The following PPP3CA variants were observed in gnomAD, a reference collection of about 807,000 sequenced individuals.
PPP3CA encodes the protein protein phosphatase 3 catalytic subunit alpha, also known as CAM-PRP catalytic subunit.
In PPP3CA, 14 loss-of-function variants were observed where a neutral mutation model predicts 66.5. That is an observed-to-expected ratio of 0.21 (90% CI 0.14 to 0.33). The LOEUF is 0.33. Ranked by LOEUF, PPP3CA falls within the 10% of genes least tolerant of loss-of-function variation. PPP3CA has a pLI of 1.00. For synonymous variants in PPP3CA, 232 were observed against 226.2 expected (o/e 1.03, Z -0.23); for missense variants, 317 against 639.5 (o/e 0.50, Z 5.44).
At chr4:101,237,761 C>T (rs1256245847) in intron 1 of PPP3CA, among the ~76,000 whole-genome samples, 2 of 152,090 alleles carry the variant, frequency 1.3e-5, no homozygotes, top group South Asian at 4.1e-4. Flanking sequence ...GCAGCAGATG[C>T]TGTGGGGCAC....
chr4:101,094,771 T>C (rs893963038), intron 5 of PPP3CA, among the ~76,000 whole-genome samples: 5 of 152,160 alleles, frequency 3.3e-5, no homozygotes, highest in African/African-American at 9.7e-5. Context: ...AAATAACATA[T>C]CACGATCAAT....
intron 1 of PPP3CA, among the ~76,000 whole-genome samples, chr4:101,197,321 A>C (rs1276622500): frequency 3.9e-5 from 6 of 152,208 alleles, no homozygotes; most frequent in Admixed American, 2.6e-4. Context: ...TTAAATTATA[A>C]CTAACAGAAA....
At chr4:101,142,565 AC>A (rs764329900) in intron 2 of PPP3CA, among the ~76,000 whole-genome samples, 3 of 151,928 alleles carry the variant, frequency 2.0e-5, no homozygotes, top group Non-Finnish European at 2.9e-5. Context: ...TACTCCACCC[AC>A]CCGCCCCAGC....
chr4:101,113,267 A>G (rs1042033773), intron 2 of PPP3CA, among the ~76,000 whole-genome samples: 2 of 152,104 alleles, frequency 1.3e-5, no homozygotes, highest in Admixed American at 1.3e-4. Flanking sequence ...GAATCTCCAG[A>G]GATGCAGATT....
chr4:101,147,031 T>C (rs1722992690), intron 2 of PPP3CA, among the ~76,000 whole-genome samples: 1 of 152,212 alleles, frequency 6.6e-6, no homozygotes, highest in Non-Finnish European at 1.5e-5. Flanking sequence ...GTACTGTTTT[T>C]ATCCTCATTT....
intron 6 of PPP3CA, among the ~76,000 whole-genome samples, chr4:101,090,135 C>T (rs1246839630): frequency 6.6e-6 from 1 of 152,120 alleles, no homozygotes; most frequent in African/African-American, 2.4e-5. Flanking sequence ...AAACCATAAT[C>T]CCAGAGGATG....
chr4:101,071,292 T>C (rs1440366662), intron 8 of PPP3CA, among the ~76,000 whole-genome samples: 1 of 152,234 alleles, frequency 6.6e-6, no homozygotes. Flanking sequence ...ATCTCCAAGA[T>C]ATCCTTGGCA....
At chr4:101,204,966 GATCTCC>G (rs1725087196) in intron 1 of PPP3CA, among the ~76,000 whole-genome samples, 1 of 146,708 alleles carries the variant, frequency 6.8e-6, no homozygotes, top group Non-Finnish European at 1.5e-5. Flanking sequence ...AACTATCTTG[GATCTCC>G]ATACTAGATG....
intron 1 of PPP3CA, among the ~76,000 whole-genome samples, chr4:101,201,922 T>G (rs535386774): frequency 1.3e-5 from 2 of 152,268 alleles, no homozygotes; most frequent in South Asian, 2.1e-4. Flanking sequence ...CTGTATCCCA[T>G]GCTAGGCAGT....
chr4:101,309,389 A>G lies in PPP3CA; in HGVS notation c.58+37350T>C, dbSNP rs182201148. On this transcript the variant is annotated intron_variant, in intron 1 of 13. Transcript: ENST00000394854. ...ATAAATAAGAGACTATAAGAAACAT[A>G]ATCTTTCAGAAGAGGTGGCAGCCAG... Among the ~76,000 whole-genome samples, 1,138 of 152,254 alleles carry G rather than the reference A, an allele frequency of 7.5e-3. 9 individuals are homozygous for G. Among genetic ancestry groups the G allele is most frequent in the Non-Finnish European group, 0.013 (879 of 68,018 alleles).
Position 101,029,155 on chromosome 4 carries a change from G to T in PPP3CA, c.1369+11C>A. ...TTGCAGGTACAACAGAAAGGGGACT[G>T]GCCAATTTACCTTCATCAGCCTCAA... On this transcript the variant is annotated intron_variant, in intron 13 of 13. Transcript: ENST00000394854. 1 of 1,597,732 alleles carries T rather than the reference G, an allele frequency of 6.3e-7. No homozygotes were observed.
intron 2 of PPP3CA, among the ~76,000 whole-genome samples, chr4:101,128,773 G>A (rs1334142909): frequency 6.6e-6 from 1 of 152,126 alleles, no homozygotes; most frequent in Non-Finnish European, 1.5e-5. Context: ...ATTCCCTCGG[G>A]TGGCTACACC....
chr4:101,207,670 T>C (rs1725175694), intron 1 of PPP3CA, among the ~76,000 whole-genome samples: 1 of 151,926 alleles, frequency 6.6e-6, no homozygotes, highest in African/African-American at 2.4e-5. Flanking sequence ...CTACCAAAAA[T>C]ACAAAAGCAG....
At chr4:101,198,286 C>A (rs1467976451) in intron 1 of PPP3CA, among the ~76,000 whole-genome samples, 1 of 152,064 alleles carries the variant, frequency 6.6e-6, no homozygotes, top group Non-Finnish European at 1.5e-5. Flanking sequence ...TCAACAGCCA[C>A]ATTTCTTTAT....
chr4:101,140,847 T>C (rs1024655857), intron 2 of PPP3CA, among the ~76,000 whole-genome samples: 1 of 152,194 alleles, frequency 6.6e-6, no homozygotes, highest in Non-Finnish European at 1.5e-5. Context: ...AGTCACATGA[T>C]TGAATTTAAC....
intron 2 of PPP3CA, among the ~76,000 whole-genome samples, chr4:101,129,192 T>C (rs1224804424): frequency 1.3e-5 from 2 of 152,110 alleles, no homozygotes; most frequent in African/African-American, 4.8e-5. Flanking sequence ...AGAATGCCTC[T>C]CTAGATTCCT....
intron 2 of PPP3CA, among the ~76,000 whole-genome samples, chr4:101,131,602 C>G (rs902658315): frequency 5.3e-5 from 8 of 150,984 alleles, no homozygotes; most frequent in Non-Finnish European, 8.9e-5. Flanking sequence ...GATTCATAAA[C>G]CAAGTTCTAA....
At chr4:101,151,066 A>G (rs1378690611) in intron 2 of PPP3CA, among the ~76,000 whole-genome samples, 1 of 152,240 alleles carries the variant, frequency 6.6e-6, no homozygotes, top group Non-Finnish European at 1.5e-5. Context: ...TTAGAATCAT[A>G]TAACTTCATT....
At position 101,159,948 on chromosome 4, in the gene PPP3CA, C is replaced by T. The variant is rs552228220; in HGVS notation, c.259+35968G>A. Among the ~76,000 whole-genome samples the T allele has an allele frequency of 7.2e-5, 11 of 151,976 alleles. No homozygotes were observed. In the South Asian group the frequency reaches 1.5e-3, roughly 20 times the overall value. ...AGTATTATTCTTAAAGTTACAAAAA[C>T]GTGAACTATCTATAAAATATTCTGT... On this transcript the variant is annotated intron_variant, in intron 2 of 13. Transcript: ENST00000394854.
Sources: gnomAD v4.1 joint callset for allele counts (sites outside exome capture counted in the v4.1 genomes callset) on GRCh38, gnomAD v4.1.1 for gene constraint, MANE v1.5 for transcripts, NCBI Gene and HGNC (gene_info 2026-07-23, HGNC 2026-07-21) for gene names.